Variants in LEF1 observed in about 807,000 individuals in gnomAD.
The protein encoded by LEF1 is lymphoid enhancer-binding factor 1.
LEF1 carries 14 observed loss-of-function variants against 51.2 expected under a neutral mutation model. The ratio of observed to expected loss-of-function variants is 0.27; its 90% CI spans 0.18 to 0.43. The LOEUF (loss-of-function observed/expected upper bound fraction) is 0.43, where lower values mean the gene tolerates loss of function less well. Ranked by LOEUF, LEF1 falls within the 20% of genes least tolerant of loss-of-function variation. The pLI, the probability that LEF1 is intolerant of heterozygous loss-of-function variation, is 1.00. For synonymous variants in LEF1, 185 were observed against 183.2 expected (o/e 1.01, Z -0.08); for missense variants, 386 against 512.0 (o/e 0.75, Z 2.37).
chr4:108,089,144 T>C lies in LEF1; in HGVS notation c.528A>G (p.Ser176=). 2 of 1,614,016 alleles carry C rather than the reference T, an allele frequency of 1.2e-6. No individual in the cohort carries two copies. The highest frequency in any genetic ancestry group is 1.7e-6 in the Non-Finnish European group (2 of 1,179,970). The change falls in exon 4 of 12, where the codon TCA becomes TCG. Residue 176 remains serine, a synonymous_variant. Transcript: ENST00000265165. ...SPGSHPSHIP[S]DVNSKQGMSR... Reference sequence around the variant, plus strand: ...TCTCACCTTGTTTGGAGTTGACATCTGATGGGATGTGTGACGGGTGTGATC... The same window carrying C: ...TCTCACCTTGTTTGGAGTTGACATCCGATGGGATGTGTGACGGGTGTGATC...
chr4:108,143,078 G>A (rs139309791), intron 3 of LEF1, among the ~76,000 whole-genome samples: 2,279 of 152,206 alleles, frequency 0.015, 62 homozygotes, highest in African/African-American at 0.051. Context: ...AGTAATTGGC[G>A]AACAAAAGCC....
chr4:108,157,934 A>G (rs1744830769), intron 3 of LEF1, among the ~76,000 whole-genome samples: 1 of 152,226 alleles, frequency 6.6e-6, no homozygotes, highest in South Asian at 2.1e-4. Context: ...GTCTGCAAAT[A>G]GTCCCAGCTA....
In LEF1 at chr4:108,149,655, A is replaced by G. The variant is rs532063623; in HGVS notation, c.414+13913T>C. Among the ~76,000 whole-genome samples the G allele has an allele frequency of 4.7e-5, 7 of 149,466 alleles. No homozygotes were observed. The East Asian group carries it at 7.8e-4, about 17-fold the overall frequency. ...TATATGTACATATATGTACATGTGT[A>G]TATATATATATAACTGGATACTATC... On this transcript the variant is annotated intron_variant, in intron 3 of 11. Transcript: ENST00000265165.
intron 3 of LEF1, among the ~76,000 whole-genome samples, chr4:108,092,986 T>C (rs888484751): frequency 1.4e-5 from 2 of 140,692 alleles, no homozygotes; most frequent in East Asian, 4.1e-4. Context: ...TCAAGTACTA[T>C]GAAGAAAATG....
At chr4:108,069,519 T>C (rs1419171578) in intron 9 of LEF1, among the ~76,000 whole-genome samples, 1 of 152,210 alleles carries the variant, frequency 6.6e-6, no homozygotes, top group African/African-American at 2.4e-5. Context: ...GAATATGTGA[T>C]AGATGCTGGG....
intron 6 of LEF1, 27 bp downstream of exon 6, chr4:108,081,559 A>G (rs2126289469): frequency 6.3e-7 from 1 of 1,584,244 alleles, no homozygotes; most frequent in African/African-American, 1.3e-5. Context: ...CTTGTCCTCG[A>G]GCGCCCCAGT....
chr4:108,114,568 G>A (rs985155978), intron 3 of LEF1, among the ~76,000 whole-genome samples: 4 of 152,202 alleles, frequency 2.6e-5, no homozygotes, highest in African/African-American at 9.6e-5. Flanking sequence ...CAAGTGATGT[G>A]AAAACAAGAG....
chr4:108,053,395 A>G (rs1737127353), intron 11 of LEF1, among the ~76,000 whole-genome samples: 1 of 152,202 alleles, frequency 6.6e-6, no homozygotes, highest in Non-Finnish European at 1.5e-5. Context: ...TAGTCCCAGC[A>G]TTCAAGACTA....
intron 3 of LEF1, among the ~76,000 whole-genome samples, chr4:108,106,689 A>G (rs929693292): frequency 6.6e-6 from 1 of 152,216 alleles, no homozygotes; most frequent in Non-Finnish European, 1.5e-5. Flanking sequence ...GTTCCGAGCC[A>G]TCCCATAGCT....
At chr4:108,081,858 G>A (rs1341465721) in intron 5 of LEF1, among the ~76,000 whole-genome samples, 189 bp from the exon 6 acceptor site, 1 of 152,162 alleles carries the variant, frequency 6.6e-6, no homozygotes, top group East Asian at 1.9e-4. Flanking sequence ...AGTGTCATTT[G>A]CCTTGAAAGA....
At chr4:108,163,509 C>G in intron 3 of LEF1, 59 bp downstream of exon 3, 3 of 1,566,530 alleles carry the variant, frequency 1.9e-6, no homozygotes, top group Non-Finnish European at 2.6e-6. Flanking sequence ...AACATTCTGC[C>G]AAAATACAAA....
chr4:108,165,294 G>A, intron 1 of LEF1, 131 bp from the exon 2 acceptor site: 2 of 779,856 alleles, frequency 2.6e-6, no homozygotes, highest in Admixed American at 2.0e-5. Flanking sequence ...TATACTCTGA[G>A]AGACATACGC....
chr4:108,062,466 T>C (rs1000647677), intron 11 of LEF1, among the ~76,000 whole-genome samples: 9 of 152,040 alleles, frequency 5.9e-5, no homozygotes, highest in African/African-American at 1.9e-4. Flanking sequence ...TCAGAAGGGC[T>C]AGGGTGAAAG....
At chr4:108,148,977 T>G (rs1744162291) in intron 3 of LEF1, among the ~76,000 whole-genome samples, 1 of 152,236 alleles carries the variant, frequency 6.6e-6, no homozygotes, top group Admixed American at 6.5e-5. Context: ...TTATATTAAG[T>G]AGCAAGTTCT....
chr4:108,064,362 C>G lies in LEF1; in HGVS notation c.1139G>C (p.Arg380Thr). The stretch of plus-strand genomic sequence containing the variant: ...TGATGCAGATTCCTGTAGTTTCTCT[C>G]TCTTCCTCTTCTTTTTCTTACCCTG... ...DNYGKKKKRKREKLQESASGT... is the reference protein window; with the variant it reads ...DNYGKKKKRKTEKLQESASGT... Residue 380 changes from arginine (R) to threonine (T), a missense_variant, in exon 10 of 12, where the codon AGA (arginine) becomes ACA (threonine). Coordinates refer to ENST00000265165, the MANE Select transcript of LEF1 (RefSeq NM_016269.5). 1 of 1,612,066 alleles carries G rather than the reference C, an allele frequency of 6.2e-7. No homozygotes were observed. The highest frequency in any genetic ancestry group is 8.5e-7 in the Non-Finnish European group (1 of 1,178,208).
intron 4 of LEF1, among the ~76,000 whole-genome samples, chr4:108,085,634 T>C (rs1739592608): frequency 6.6e-6 from 1 of 152,176 alleles, no homozygotes; most frequent in Admixed American, 6.6e-5. Context: ...ACCAACTAGT[T>C]GGATGTCACT....
intron 8 of LEF1, among the ~76,000 whole-genome samples, chr4:108,076,970 T>C (rs1738903296): frequency 7.1e-6 from 1 of 140,008 alleles, no homozygotes; most frequent in South Asian, 2.2e-4. Context: ...GAGTTTGCAG[T>C]GAGCCAGGAT....
intron 11 of LEF1, among the ~76,000 whole-genome samples, chr4:108,058,077 C>T (rs895000184): frequency 2.6e-5 from 4 of 151,734 alleles, no homozygotes; most frequent in South Asian, 2.1e-4. Flanking sequence ...GGTTTCACTA[C>T]GTTGGCCAGG....
intron 3 of LEF1, among the ~76,000 whole-genome samples, chr4:108,130,695 A>C (rs1419123148): frequency 2.7e-5 from 4 of 150,872 alleles, no homozygotes; most frequent in African/African-American, 9.8e-5. Context: ...ATGCCACTGC[A>C]CTCCAGCCTG....
Sources: allele counts gnomAD v4.1 joint callset (sites outside exome capture counted in the v4.1 genomes callset), GRCh38; gene constraint gnomAD v4.1.1; transcripts MANE v1.5; gene names NCBI Gene and HGNC (gene_info 2026-07-23, HGNC 2026-07-21).